The following DYNC1I1 variants were observed in gnomAD, a reference collection of about 807,000 sequenced individuals.
DYNC1I1 encodes the protein cytoplasmic dynein 1 intermediate chain 1.
Under a neutral mutation model 86.6 loss-of-function variants are expected in DYNC1I1, and 43 were observed. The ratio of observed to expected loss-of-function variants is 0.50; its 90% CI spans 0.39 to 0.64. DYNC1I1 has a LOEUF of 0.64. Ranked by LOEUF, DYNC1I1 falls within the 30% of genes least tolerant of loss-of-function variation. The pLI is 0.00. For synonymous variants in DYNC1I1, 262 were observed against 283.7 expected, an observed-to-expected ratio of 0.92 and a Z score of 0.77; for missense variants, 604 against 788.8, an observed-to-expected ratio of 0.77 and a Z score of 2.81.
intron 1 of DYNC1I1, among the ~76,000 whole-genome samples, chr7:95,794,414 T>C (rs1432080800): frequency 2.0e-5 from 3 of 152,220 alleles, no homozygotes; most frequent in African/African-American, 7.2e-5. Context: ...ATTCTGTTAA[T>C]TGGGGAACAG....
At chr7:95,861,470 A>G (rs1789875963) in intron 5 of DYNC1I1, among the ~76,000 whole-genome samples, 1 of 152,194 alleles carries the variant, frequency 6.6e-6, no homozygotes. Flanking sequence ...ATTCTCTGAT[A>G]TGCGCCTTTA....
chr7:95,925,273 A>T (rs1357649633), intron 6 of DYNC1I1, among the ~76,000 whole-genome samples: 3 of 152,116 alleles, frequency 2.0e-5, no homozygotes, highest in African/African-American at 4.8e-5. Flanking sequence ...TTTGTGTCTA[A>T]TCACCCCCTT....
At chr7:96,030,002 T>C (rs1311809427) in intron 11 of DYNC1I1, among the ~76,000 whole-genome samples, 1 of 151,590 alleles carries the variant, frequency 6.6e-6, no homozygotes, top group African/African-American at 2.4e-5. Flanking sequence ...TGTTGTTGTT[T>C]TGGTTTTTTT....
rs116393684 is a variant in DYNC1I1, at chr7:95,801,714, T to C, written c.-9-3007T>C. On this transcript the variant is annotated intron_variant, in intron 1 of 16. Coordinates refer to ENST00000447467, the MANE Select transcript of DYNC1I1 (RefSeq NM_001135556.2). The stretch of plus-strand genomic sequence containing the variant: ...AAAAATTTCCAGCACACTAGTTAGA[T>C]GGACCCTCATTGGTCAAGGGCATTT... Among the ~76,000 whole-genome samples the C allele has an allele frequency of 6.5e-3, 986 of 152,350 alleles. 10 individuals are homozygous for C. The highest frequency in any genetic ancestry group is 0.022 in the African/African-American group (929 of 41,590).
At chr7:95,796,329 G>A (rs1002052146) in intron 1 of DYNC1I1, among the ~76,000 whole-genome samples, 3 of 151,754 alleles carry the variant, frequency 2.0e-5, no homozygotes, top group African/African-American at 7.3e-5. Flanking sequence ...TTTCTTTCTT[G>A]ACGGAGTTTC....
At chr7:96,043,124 G>A (rs955687483) in intron 14 of DYNC1I1, among the ~76,000 whole-genome samples, 3 of 148,802 alleles carry the variant, frequency 2.0e-5, no homozygotes, top group Admixed American at 6.7e-5. Context: ...AACCGAGATC[G>A]TGCCACTGCA....
At chr7:95,807,747 A>G (rs1221114921) in intron 2 of DYNC1I1, among the ~76,000 whole-genome samples, 2 of 152,092 alleles carry the variant, frequency 1.3e-5, no homozygotes, top group African/African-American at 4.8e-5. Flanking sequence ...ACTTTCCCAG[A>G]AAGCTGCCTC....
intron 5 of DYNC1I1, among the ~76,000 whole-genome samples, chr7:95,862,835 T>C (rs1466566775): frequency 6.6e-6 from 1 of 152,240 alleles, no homozygotes; most frequent in Non-Finnish European, 1.5e-5. Flanking sequence ...AAGTTCTTTA[T>C]AGAAACTGGT....
intron 6 of DYNC1I1, among the ~76,000 whole-genome samples, chr7:95,918,581 G>A (rs981926272): frequency 6.6e-6 from 1 of 152,164 alleles, no homozygotes; most frequent in Non-Finnish European, 1.5e-5. Flanking sequence ...GCATGTGTGT[G>A]CCATTTAGCA....
chr7:95,896,549 G>A (rs1373337564), intron 6 of DYNC1I1, among the ~76,000 whole-genome samples: 1 of 152,166 alleles, frequency 6.6e-6, no homozygotes, highest in Non-Finnish European at 1.5e-5. Flanking sequence ...AAGAGAGTAA[G>A]AAGTTTGCCT....
chr7:95,841,505 T>C (rs1056424738), intron 5 of DYNC1I1, among the ~76,000 whole-genome samples: 1 of 152,204 alleles, frequency 6.6e-6, no homozygotes, highest in African/African-American at 2.4e-5. Flanking sequence ...CTTTGTTCTC[T>C]GGAGACTCCA....
intron 1 of DYNC1I1, among the ~76,000 whole-genome samples, chr7:95,773,395 C>T (rs949738034): frequency 3.9e-5 from 6 of 152,184 alleles, no homozygotes; most frequent in Admixed American, 2.6e-4. Context: ...CCGCCTGGCT[C>T]TCCTTCCCCC....
chr7:96,067,202 A>T (rs1456622181), intron 14 of DYNC1I1, among the ~76,000 whole-genome samples: 1 of 152,210 alleles, frequency 6.6e-6, no homozygotes, highest in African/African-American at 2.4e-5. Flanking sequence ...AAGAGGATTA[A>T]CAAAATCAAT....
rs78996067 is a variant in DYNC1I1 at position 95,984,261 on chromosome 7, A to G, written c.581-554A>G. The stretch of plus-strand genomic sequence containing the variant: ...GATCTTGAGTGAAAGCAGGTTTGGA[A>G]TGATATATCTCTGCTTTTGAATATA... On this transcript the variant is annotated intron_variant, in intron 7 of 16. Transcript: ENST00000447467. Among the ~76,000 whole-genome samples the G allele has an allele frequency of 5.3e-5, 8 of 152,288 alleles. No homozygotes were observed. The South Asian group carries it at 6.2e-4, about 12-fold the overall frequency.
intron 10 of DYNC1I1, among the ~76,000 whole-genome samples, chr7:95,996,659 T>C (rs1342997185): frequency 6.6e-6 from 1 of 152,214 alleles, no homozygotes; most frequent in Non-Finnish European, 1.5e-5. Flanking sequence ...CGGACACGTC[T>C]TCTCTTCCCC....
At position 96,076,097 on chromosome 7, in the gene DYNC1I1, A is replaced by C; in HGVS notation, c.1550A>C (p.Tyr517Ser). The stretch of plus-strand genomic sequence containing the variant: ...TACTCCTTTGAAGACAATGCAGACT[A>C]TGTGTACGATGTCATGTGGTCCCCC... ...PLYSFEDNAD[Y>S]VYDVMWSPVH... is the part of the protein sequence containing the mutation. Residue 517 changes from tyrosine (Y) to serine (S), a missense_variant, in exon 15 of 17, where the codon TAT becomes TCT. By Grantham distance (144) the Tyr-to-Ser change is moderately radical. Transcript: ENST00000447467. 1 of 1,614,208 alleles carries C rather than the reference A, an allele frequency of 6.2e-7. No homozygotes were observed. Among genetic ancestry groups the C allele is most frequent in the Non-Finnish European group, 8.5e-7 (1 of 1,180,042 alleles).
At chr7:96,071,591 T>G (rs1356088114) in intron 14 of DYNC1I1, among the ~76,000 whole-genome samples, 1 of 152,176 alleles carries the variant, frequency 6.6e-6, no homozygotes, top group African/African-American at 2.4e-5. Flanking sequence ...TGACATCATT[T>G]TTTTCCACTC....
At chr7:95,786,695 CAT>C (rs1287038282) in intron 1 of DYNC1I1, among the ~76,000 whole-genome samples, 1 of 152,182 alleles carries the variant, frequency 6.6e-6, no homozygotes, top group African/African-American at 2.4e-5. Flanking sequence ...GCTTTAGAAA[CAT>C]ATGGAGGACC....
intron 14 of DYNC1I1, among the ~76,000 whole-genome samples, chr7:96,065,552 G>T (rs867983215): frequency 1.4e-4 from 21 of 151,606 alleles, no homozygotes; most frequent in Admixed American, 4.6e-4. Context: ...TAAATTTTTG[G>T]TTTGTTTGTT....
Sources: gnomAD v4.1 joint callset for allele counts (sites outside exome capture counted in the v4.1 genomes callset) on GRCh38, gnomAD v4.1.1 for gene constraint, MANE v1.5 for transcripts, NCBI Gene and HGNC (gene_info 2026-07-23, HGNC 2026-07-21) for gene names.